The following SOX5 variants were observed in gnomAD, a reference collection of about 807,000 sequenced individuals.
SOX5 encodes the protein SRY-box transcription factor 5, also known as transcription factor SOX-5.
SOX5 carries 9 observed loss-of-function variants against 92.0 expected under a neutral mutation model. That is an observed-to-expected ratio of 0.10 (90% CI 0.06 to 0.17). The LOEUF is 0.17. Ranked by LOEUF, SOX5 falls within the 10% of genes least tolerant of loss-of-function variation. SOX5 has a pLI of 1.00. For synonymous variants in SOX5, 344 were observed against 336.3 expected (o/e 1.02, Z -0.25); for missense variants, 642 against 944.5 (o/e 0.68, Z 4.20).
chr12:23,852,125 A>G (rs1568344889), intron 2 of SOX5, among the ~76,000 whole-genome samples: 1 of 152,174 alleles, frequency 6.6e-6, no homozygotes, highest in Non-Finnish European at 1.5e-5. Flanking sequence ...ACATTTATTC[A>G]TCACAATATT....
intron 7 of SOX5, among the ~76,000 whole-genome samples, chr12:23,664,179 A>T (rs12814132): frequency 0.11 from 16,829 of 152,144 alleles, 1,220 homozygotes; most frequent in Non-Finnish European, 0.16. Flanking sequence ...CGAGAAATAA[A>T]TGTTGAAATC....
intron 3 of SOX5, among the ~76,000 whole-genome samples, chr12:24,222,545 A>G (rs1050057454): frequency 5.3e-5 from 8 of 152,138 alleles, no homozygotes; most frequent in African/African-American, 1.9e-4. Flanking sequence ...GATTTAATGG[A>G]AAAAGCAGGC....
chr12:24,488,451 G>A (rs1365517001), intron 1 of SOX5, among the ~76,000 whole-genome samples: 1 of 152,112 alleles, frequency 6.6e-6, no homozygotes, highest in East Asian at 1.9e-4. Context: ...TGGGTGTGGT[G>A]GTGTGTGCCT....
rs369216594 is a variant in SOX5 at position 24,081,564 on chromosome 12, T to G, written c.-2+131779A>C. Reference sequence around the variant, plus strand: ...CATAAAACAATCACATTCCTTTATTTTTTTTCCTCCGTAGGACCTTTATTA... The same window carrying G: ...CATAAAACAATCACATTCCTTTATTGTTTTTCCTCCGTAGGACCTTTATTA... On this transcript the variant is annotated intron_variant, in intron 4 of 4. Transcript: ENST00000446891. 2.0e-5 allele frequency among the ~76,000 whole-genome samples: 3 copies of G among 152,136 alleles called. No individual in the cohort carries two copies. The East Asian group carries it at 5.8e-4, about 29-fold the overall frequency.
At chr12:24,428,694 C>T (rs1048166688) in intron 1 of SOX5, among the ~76,000 whole-genome samples, 11 of 122,002 alleles carry the variant, frequency 9.0e-5, no homozygotes, top group Non-Finnish European at 1.1e-4. Context: ...GCTTGAGCTC[C>T]AGCCTGGGCA....
chr12:24,056,914 G>A (rs1350581791), intron 4 of SOX5, among the ~76,000 whole-genome samples: 1 of 133,152 alleles, frequency 7.5e-6, no homozygotes, highest in East Asian at 2.2e-4. Context: ...GGCGGAGCTT[G>A]CAGTGAGCCG....
At chr12:23,986,952 C>T (rs1950117832) in intron 4 of SOX5, among the ~76,000 whole-genome samples, 1 of 152,122 alleles carries the variant, frequency 6.6e-6, no homozygotes, top group Admixed American at 6.6e-5. Flanking sequence ...AAATCACTTT[C>T]ACTCTGTTAG....
chr12:24,361,724 G>C (rs535745403), intron 2 of SOX5, among the ~76,000 whole-genome samples: 2 of 152,202 alleles, frequency 1.3e-5, no homozygotes, highest in Non-Finnish European at 2.9e-5. Flanking sequence ...ATAAGAAAAA[G>C]TGGAATTTTA....
intron 4 of SOX5, among the ~76,000 whole-genome samples, chr12:23,972,072 C>A (rs1948403270): frequency 6.6e-6 from 1 of 152,060 alleles, no homozygotes; most frequent in Non-Finnish European, 1.5e-5. Flanking sequence ...TCACAGAACA[C>A]AAAAGAGATT....
chr12:23,726,693 G>A (rs747320581), intron 6 of SOX5, among the ~76,000 whole-genome samples: 1 of 152,058 alleles, frequency 6.6e-6, no homozygotes, highest in Non-Finnish European at 1.5e-5. Context: ...GTTCAAGTTT[G>A]TCCACAGGTA....
chr12:24,441,108 C>G (rs1197852334), intron 1 of SOX5, among the ~76,000 whole-genome samples: 1 of 152,152 alleles, frequency 6.6e-6, no homozygotes, highest in East Asian at 1.9e-4. Context: ...GGATTTGTTT[C>G]CCAATCCAGA....
intron 6 of SOX5, among the ~76,000 whole-genome samples, chr12:23,688,722 T>C (rs2088135804): frequency 6.6e-6 from 1 of 152,112 alleles, no homozygotes; most frequent in African/African-American, 2.4e-5. Flanking sequence ...AATCATTCTA[T>C]CATTAACTAG....
At chr12:24,401,052 T>C (rs1961412715) in intron 1 of SOX5, among the ~76,000 whole-genome samples, 2 of 152,096 alleles carry the variant, frequency 1.3e-5, no homozygotes, top group Admixed American at 6.5e-5. Context: ...TGACTCATAG[T>C]GTAAAAAATG....
intron 4 of SOX5, among the ~76,000 whole-genome samples, chr12:24,117,571 G>A (rs979051167): frequency 6.6e-6 from 1 of 152,130 alleles, no homozygotes; most frequent in African/African-American, 2.4e-5. Context: ...CAACCTAAGT[G>A]TTCATCAGCA....
intron 2 of SOX5, among the ~76,000 whole-genome samples, chr12:24,280,391 G>A (rs908693609): frequency 4.6e-5 from 7 of 152,054 alleles, no homozygotes; most frequent in East Asian, 3.8e-4. Flanking sequence ...GTGCTTTGAC[G>A]GGTCTCTGTT....
At chr12:23,704,795 T>C (rs1025825097) in intron 6 of SOX5, among the ~76,000 whole-genome samples, 2 of 149,374 alleles carry the variant, frequency 1.3e-5, no homozygotes, top group African/African-American at 4.9e-5. Flanking sequence ...AAGAAAGTAA[T>C]AGAAGACATT....
At chr12:23,737,338 A>C (rs572264961) in intron 5 of SOX5, among the ~76,000 whole-genome samples, 1 of 152,156 alleles carries the variant, frequency 6.6e-6, no homozygotes, top group African/African-American at 2.4e-5. Context: ...CAGGAGTTCG[A>C]GACCAGCCTG....
chr12:23,706,449 T>C (rs535309065), intron 6 of SOX5, among the ~76,000 whole-genome samples: 1 of 152,180 alleles, frequency 6.6e-6, no homozygotes, highest in South Asian at 2.1e-4. Flanking sequence ...AATGAAAGCA[T>C]GTCAAATACA....
intron 6 of SOX5, among the ~76,000 whole-genome samples, chr12:23,717,580 T>G (rs1333465362): frequency 6.6e-6 from 1 of 152,174 alleles, no homozygotes; most frequent in East Asian, 1.9e-4. Context: ...ATATTTCCTA[T>G]GTAAGCAGGT....
Sources: gnomAD v4.1 joint callset for allele counts (sites outside exome capture counted in the v4.1 genomes callset) on GRCh38, gnomAD v4.1.1 for gene constraint, MANE v1.5 for transcripts, NCBI Gene and HGNC (gene_info 2026-07-23, HGNC 2026-07-21) for gene names.